LRFN2: variants seen among roughly 807,000 people sequenced by gnomAD.
LRFN2 encodes the protein leucine rich repeat and fibronectin type III domain containing 2.
A neutral mutation model predicts 37.3 loss-of-function variants in LRFN2; 18 were observed. That is an observed-to-expected ratio of 0.48 (90% CI 0.33 to 0.72). The LOEUF is 0.72. Among genes scored for constraint, LRFN2 ranks in the 30% least tolerant of loss-of-function variants. The probability of loss-of-function intolerance (pLI) is 0.02; values close to 1 mark genes in which losing one functional copy is unlikely to be tolerated. For synonymous variants in LRFN2, 556 were observed against 466.6 expected (o/e 1.19, Z -2.47); for missense variants, 1,006 against 1,060.7 (o/e 0.95, Z 0.72).
At chr6:40,410,032 A>C (rs1762931761) in intron 2 of LRFN2, among the ~76,000 whole-genome samples, 1 of 152,110 alleles carries the variant, frequency 6.6e-6, no homozygotes, top group African/African-American at 2.4e-5. Flanking sequence ...GGAAGGAATT[A>C]ATTAAGGGTG....
At chr6:40,416,157 T>A (rs758804600) in intron 2 of LRFN2, among the ~76,000 whole-genome samples, 5 of 152,156 alleles carry the variant, frequency 3.3e-5, no homozygotes, top group Non-Finnish European at 7.4e-5. Flanking sequence ...TACAGGCATG[T>A]GCCAGCACGC....
intron 1 of LRFN2, among the ~76,000 whole-genome samples, chr6:40,532,412 T>A (rs530007466): frequency 9.8e-5 from 15 of 152,372 alleles, no homozygotes; most frequent in African/African-American, 3.6e-4. Flanking sequence ...TGTCATGTGC[T>A]TTATCTTTTG....
At chr6:40,503,315 A>G (rs1392214960) in intron 1 of LRFN2, among the ~76,000 whole-genome samples, 2 of 152,150 alleles carry the variant, frequency 1.3e-5, no homozygotes, top group Admixed American at 6.5e-5. Flanking sequence ...AACTGGAGAG[A>G]GATCAGTTCT....
chr6:40,399,451 T>TTG (rs1762689176), intron 2 of LRFN2, among the ~76,000 whole-genome samples: 1 of 147,230 alleles, frequency 6.8e-6, no homozygotes, highest in South Asian at 2.1e-4. Context: ...TTTTTTTTTT[T>TTG]TTGAGACACA....
intron 1 of LRFN2, among the ~76,000 whole-genome samples, chr6:40,454,120 A>G (rs1055251368): frequency 6.6e-6 from 1 of 152,228 alleles, no homozygotes; most frequent in African/African-American, 2.4e-5. Flanking sequence ...GCTCAATCTT[A>G]TGGATAATTA....
At position 40,392,348 on chromosome 6, in the gene LRFN2, G is replaced by T; in HGVS notation, c.1965C>A (p.Arg655=). ...SAPRPKPSLD[R]LMGAFASLDL... is the part of the protein sequence containing the mutation. ...CCAGGGAGGCGAAGGCCCCCATCAGGCGGTCAAGGCTGGGCTTGGGGCGCG... is the reference window on the plus strand; with the variant it reads ...CCAGGGAGGCGAAGGCCCCCATCAGTCGGTCAAGGCTGGGCTTGGGGCGCG... The change falls in exon 3 of 3, where the codon CGC becomes CGA. Residue 655 remains arginine, a synonymous_variant. Transcript: ENST00000338305. This position sits in a 1 kb window ranked among gnomAD's most constrained non-coding sequence, Gnocchi z 4.7. The T allele has an allele frequency of 6.2e-7, 1 of 1,609,370 alleles. No individual in the cohort carries two copies.
rs192312155 is a variant in LRFN2, at chr6:40,434,046, G to A, written c.-18-915C>T. 3.3e-5 allele frequency among the ~76,000 whole-genome samples: 5 copies of A among 152,162 alleles called. No homozygotes were observed. The East Asian group carries it at 5.8e-4, about 18-fold the overall frequency. On this transcript the variant is annotated intron_variant, in intron 1 of 2. Transcript: ENST00000338305. ...TCCATGATCATCCCTGCCCCGCCCC[G>A]CTGCATAGCCCTCTTCTCTGCTCTG...
chr6:40,425,392 T>A (rs1278517123), intron 2 of LRFN2, among the ~76,000 whole-genome samples: 1 of 152,212 alleles, frequency 6.6e-6, no homozygotes, highest in Admixed American at 6.5e-5. Flanking sequence ...GTGACAGATG[T>A]TCTTGACAAC....
intron 1 of LRFN2, among the ~76,000 whole-genome samples, chr6:40,531,834 T>G (rs1029384801): frequency 2.6e-5 from 4 of 152,128 alleles, no homozygotes; most frequent in African/African-American, 9.7e-5. Context: ...TGTTCCCTAT[T>G]CTATCATCTA....
chr6:40,410,385 G>A (rs905137765), intron 2 of LRFN2, among the ~76,000 whole-genome samples: 4 of 152,124 alleles, frequency 2.6e-5, no homozygotes, highest in Non-Finnish European at 4.4e-5. Flanking sequence ...GTGGAAGTAG[G>A]GGCAGCAGCA....
chr6:40,473,304 C>T lies in LRFN2; in HGVS notation c.-18-40173G>A, dbSNP rs777759373. On this transcript the variant is annotated intron_variant, in intron 1 of 2. Transcript: ENST00000338305. ...TTAAATGTCATGTCTCCAGGAAGCT[C>T]CCGAAAAGGAGACAGCGTGTGTCAG... Among the ~76,000 whole-genome samples the T allele has an allele frequency of 2.0e-5, 3 of 152,168 alleles. No individual in the cohort carries two copies. The South Asian group carries it at 6.2e-4, about 31-fold the overall frequency.
At chr6:40,475,095 C>A (rs1194079013) in intron 1 of LRFN2, among the ~76,000 whole-genome samples, 1 of 152,156 alleles carries the variant, frequency 6.6e-6, no homozygotes, top group African/African-American at 2.4e-5. Context: ...CAGGAGGAGC[C>A]TCCAGGGGTC....
chr6:40,575,274 G>A (rs1767258772), intron 1 of LRFN2, among the ~76,000 whole-genome samples: 1 of 152,204 alleles, frequency 6.6e-6, no homozygotes, highest in South Asian at 2.1e-4. Flanking sequence ...GGCTCACTGT[G>A]CTCCTGGGAG....
intron 1 of LRFN2, among the ~76,000 whole-genome samples, chr6:40,500,425 A>T (rs967767759): frequency 2.0e-5 from 3 of 152,234 alleles, no homozygotes; most frequent in African/African-American, 7.2e-5. Flanking sequence ...GGCGGCTAAT[A>T]GCTTGCATCA....
chr6:40,484,311 C>G (rs1764901484), intron 1 of LRFN2, among the ~76,000 whole-genome samples: 1 of 152,176 alleles, frequency 6.6e-6, no homozygotes, highest in Admixed American at 6.5e-5. Context: ...GCTGTGTGAT[C>G]AGCGGCTAGT....
chr6:40,471,993 G>A (rs890102699), intron 1 of LRFN2, among the ~76,000 whole-genome samples: 4 of 152,202 alleles, frequency 2.6e-5, no homozygotes, highest in Admixed American at 6.5e-5. Flanking sequence ...CCAGTCACAG[G>A]GACCCAGTGA....
chr6:40,453,547 C>T (rs1764166292), intron 1 of LRFN2, among the ~76,000 whole-genome samples: 1 of 150,308 alleles, frequency 6.7e-6, no homozygotes, highest in Non-Finnish European at 1.5e-5. Context: ...CACACACACA[C>T]ACACACACCT....
At chr6:40,472,871 T>C (rs1764630152) in intron 1 of LRFN2, among the ~76,000 whole-genome samples, 1 of 152,164 alleles carries the variant, frequency 6.6e-6, no homozygotes, top group South Asian at 2.1e-4. Flanking sequence ...GTGTTTCTCC[T>C]TGGCTTGGAA....
intron 2 of LRFN2, among the ~76,000 whole-genome samples, chr6:40,406,887 T>C (rs1002627472): frequency 6.6e-6 from 1 of 152,250 alleles, no homozygotes; most frequent in Non-Finnish European, 1.5e-5. Flanking sequence ...TGATCATACC[T>C]GATCACATGT....
Sources: allele counts gnomAD v4.1 joint callset (sites outside exome capture counted in the v4.1 genomes callset), GRCh38; gene constraint gnomAD v4.1.1; non-coding constraint Gnocchi (gnomAD v3.1); transcripts MANE v1.5; gene names NCBI Gene and HGNC (gene_info 2026-07-23, HGNC 2026-07-21).